Variants in THSD4 observed in about 807,000 individuals in gnomAD.
THSD4 encodes the protein thrombospondin type 1 domain containing 4, also known as thrombospondin type-1 domain-containing protein 4.
Under a neutral mutation model 119.0 loss-of-function variants are expected in THSD4, and 69 were observed. The ratio of observed to expected loss-of-function variants is 0.58; its 90% CI spans 0.48 to 0.71. THSD4 has a LOEUF of 0.71. Among genes scored for constraint, THSD4 ranks in the 30% least tolerant of loss-of-function variants. THSD4 has a pLI of 0.00. For missense variants in THSD4, 1,393 were observed against 1,391.1 expected, an observed-to-expected ratio of 1.00 and a Z score of -0.02; for synonymous variants, 524 against 540.4, an observed-to-expected ratio of 0.97 and a Z score of 0.42.
intron 6 of THSD4, among the ~76,000 whole-genome samples, chr15:71,277,935 C>T (rs1017283584): frequency 2.6e-5 from 4 of 152,200 alleles, no homozygotes; most frequent in African/African-American, 7.2e-5. Flanking sequence ...AAGATTCCTC[C>T]TGTACAGCAG....
intron 7 of THSD4, among the ~76,000 whole-genome samples, chr15:71,445,681 A>G (rs908431010): frequency 2.0e-5 from 3 of 152,224 alleles, no homozygotes; most frequent in Admixed American, 1.3e-4. Flanking sequence ...TGTGATCTAA[A>G]GTAGACAGCT....
chr15:71,111,965 G>C (rs2040308283), upstream of THSD4: 5 of 710,808 alleles, frequency 7.0e-6, no homozygotes, highest in South Asian at 9.9e-5. Flanking sequence ...GGCAATCTCA[G>C]TGCTTATAAG....
intron 4 of THSD4, among the ~76,000 whole-genome samples, chr15:71,241,682 C>T (rs1406192051): frequency 6.6e-6 from 1 of 152,118 alleles, no homozygotes; most frequent in Non-Finnish European, 1.5e-5. Context: ...AGTATTTACA[C>T]CATAGGAGTG....
chr15:71,104,876 G>C (rs2040267815), intron 1 of THSD4, among the ~76,000 whole-genome samples: 1 of 152,192 alleles, frequency 6.6e-6, no homozygotes, highest in Non-Finnish European at 1.5e-5. Flanking sequence ...CAATATTCGA[G>C]GTCAGAGTGA....
chr15:71,427,870 A>AG (rs2046894390), intron 7 of THSD4, among the ~76,000 whole-genome samples: 1 of 152,108 alleles, frequency 6.6e-6, no homozygotes, highest in Non-Finnish European at 1.5e-5. Context: ...GTCCAACATT[A>AG]AAACAGATAA....
chr15:71,540,423 A>G (rs1372609342), intron 7 of THSD4, among the ~76,000 whole-genome samples: 3 of 113,508 alleles, frequency 2.6e-5, no homozygotes, highest in Non-Finnish European at 5.2e-5. Flanking sequence ...GGCCTGAGCC[A>G]CTGCACCTGG....
At chr15:71,695,465 ATG>A (rs990986007) in intron 8 of THSD4, among the ~76,000 whole-genome samples, 11 of 149,878 alleles carry the variant, frequency 7.3e-5, no homozygotes, top group Non-Finnish European at 1.6e-4. Flanking sequence ...TTTGTTAATA[ATG>A]TGTGTATATA....
chr15:71,452,520 C>CAAA (rs71281967), intron 7 of THSD4, among the ~76,000 whole-genome samples: 3 of 78,990 alleles, frequency 3.8e-5, no homozygotes, highest in Admixed American at 2.8e-4. Flanking sequence ...TCCCCTCCAC[C>CAAA]AAAAAAAAAA....
intron 7 of THSD4, among the ~76,000 whole-genome samples, chr15:71,437,608 C>A (rs1566982526): frequency 1.3e-5 from 2 of 152,192 alleles, no homozygotes; most frequent in Non-Finnish European, 2.9e-5. Context: ...GAGGTGCTTA[C>A]TTCAGTCCAG....
intron 7 of THSD4, among the ~76,000 whole-genome samples, chr15:71,570,404 T>C (rs2049326377): frequency 1.4e-5 from 1 of 68,992 alleles, no homozygotes; most frequent in South Asian, 8.4e-4. Flanking sequence ...TCAGATATAC[T>C]TTTTTTTTCT....
At chr15:71,415,453 T>G (rs1377322756) in intron 7 of THSD4, among the ~76,000 whole-genome samples, 1 of 152,248 alleles carries the variant, frequency 6.6e-6, no homozygotes, top group Non-Finnish European at 1.5e-5. Context: ...ATGAGATAAT[T>G]TGATACAGGC....
intron 5 of THSD4, among the ~76,000 whole-genome samples, chr15:71,245,233 G>A (rs946898790): frequency 6.6e-6 from 1 of 152,178 alleles, no homozygotes; most frequent in African/African-American, 2.4e-5. Flanking sequence ...CCTGTGACAT[G>A]TGCACAGTGT....
chr15:71,101,855 G>A (rs1159248959), intron 1 of THSD4, among the ~76,000 whole-genome samples: 10 of 151,700 alleles, frequency 6.6e-5, no homozygotes, highest in Non-Finnish European at 1.0e-4. Flanking sequence ...CTGGGACTAC[G>A]GGTGCATGCC....
intron 7 of THSD4, among the ~76,000 whole-genome samples, chr15:71,497,754 T>G (rs2048047781): frequency 6.6e-6 from 1 of 152,036 alleles, no homozygotes; most frequent in African/African-American, 2.4e-5. Flanking sequence ...CTGTTAGAAT[T>G]TTTTTTTCCT....
In THSD4 at chr15:71,409,576, T is replaced by C. The variant is rs531827877; in HGVS notation, c.1016-2111T>C. The stretch of plus-strand genomic sequence containing the variant: ...TTTCCCCCAAATCACCTCTTACATC[T>C]TTTGGGCAGCCAAGGAAAGAAACCA... On this transcript the variant is annotated intron_variant, in intron 6 of 17. Coordinates refer to ENST00000261862, the MANE Select transcript of THSD4 (RefSeq NM_024817.3). Among the ~76,000 whole-genome samples, 145 of 152,306 alleles carry C rather than the reference T, an allele frequency of 9.5e-4. 5 individuals carry two copies. The South Asian group carries it at 0.028, about 30-fold the overall frequency.
chr15:71,584,065 G>A (rs142964315), intron 7 of THSD4, among the ~76,000 whole-genome samples: 4 of 151,678 alleles, frequency 2.6e-5, no homozygotes, highest in Non-Finnish European at 4.4e-5. Context: ...GTCAATATTG[G>A]GTGCTCCAAT....
At chr15:71,773,210 A>G (rs1002542806) in intron 17 of THSD4, among the ~76,000 whole-genome samples, 3 of 143,470 alleles carry the variant, frequency 2.1e-5, no homozygotes, top group Admixed American at 7.2e-5. Flanking sequence ...CAAAAAAAAA[A>G]AAAAAGAAAA....
At chr15:71,297,183 A>G (rs188213762) in intron 6 of THSD4, among the ~76,000 whole-genome samples, 35 of 151,594 alleles carry the variant, frequency 2.3e-4, no homozygotes, top group African/African-American at 8.5e-4. Flanking sequence ...AGTGGTATTC[A>G]TTGTGGTTCT....
At chr15:71,261,542 C>G (rs1318450245) in intron 6 of THSD4, among the ~76,000 whole-genome samples, 1 of 152,096 alleles carries the variant, frequency 6.6e-6, no homozygotes, top group African/African-American at 2.4e-5. Flanking sequence ...ACAAACTATA[C>G]CATGGTCTTG....
Sources: allele counts gnomAD v4.1 joint callset (sites outside exome capture counted in the v4.1 genomes callset), GRCh38; gene constraint gnomAD v4.1.1; transcripts MANE v1.5; gene names NCBI Gene and HGNC (gene_info 2026-07-23, HGNC 2026-07-21).